The following TNNI3K variants were observed in gnomAD, a reference collection of about 807,000 sequenced individuals.
TNNI3K encodes TNNI3 interacting kinase.
In TNNI3K, 140 loss-of-function variants were observed where a neutral mutation model predicts 114.5. That is an observed-to-expected ratio of 1.22 (90% CI 1.07 to 1.41). The LOEUF is 1.41. Ranked by LOEUF, TNNI3K falls within the 40% of genes most tolerant of loss-of-function variation. The probability of loss-of-function intolerance (pLI) is 0.00; values close to 1 mark genes in which losing one functional copy is unlikely to be tolerated. For synonymous variants in TNNI3K, 347 were observed against 347.5 expected (o/e 1.00, Z 0.02); for missense variants, 1,125 against 1,007.6 (o/e 1.12, Z -1.58).
At chr1:74,388,431 G>A (rs1570558954) in intron 17 of TNNI3K, among the ~76,000 whole-genome samples, 2 of 152,312 alleles carry the variant, frequency 1.3e-5, no homozygotes, top group Admixed American at 1.3e-4. Flanking sequence ...TGCAGATGCA[G>A]TGACAATTCA....
intron 2 of TNNI3K, among the ~76,000 whole-genome samples, chr1:74,243,640 A>G (rs1194591553): frequency 6.6e-6 from 1 of 152,204 alleles, no homozygotes; most frequent in African/African-American, 2.4e-5. Flanking sequence ...ATGAAAAAGA[A>G]GTTTAATTGG....
chr1:74,357,213 T>C (rs888708885), intron 11 of TNNI3K, among the ~76,000 whole-genome samples: 7 of 152,086 alleles, frequency 4.6e-5, no homozygotes, highest in Admixed American at 2.0e-4. Flanking sequence ...GGACTAAAAC[T>C]CTACTTGATG....
intron 5 of TNNI3K, among the ~76,000 whole-genome samples, chr1:74,323,864 A>G (rs2100390678): frequency 6.6e-6 from 1 of 152,334 alleles, no homozygotes; most frequent in African/African-American, 2.4e-5. Context: ...AATGTCAGTG[A>G]GGAAAAGCAA....
chr1:74,356,212 C>T (rs530608289), intron 11 of TNNI3K, among the ~76,000 whole-genome samples: 54 of 152,228 alleles, frequency 3.5e-4, no homozygotes, highest in Non-Finnish European at 5.4e-4. Flanking sequence ...GTAGATTGTT[C>T]ATTCTTATCA....
intron 21 of TNNI3K, among the ~76,000 whole-genome samples, chr1:74,483,074 T>C (rs1211688262): frequency 6.6e-6 from 1 of 152,202 alleles, no homozygotes; most frequent in Non-Finnish European, 1.5e-5. Context: ...CTTTAAATAG[T>C]TTTGATTGAG....
At chr1:74,382,476 G>T (rs1481822611) in intron 17 of TNNI3K, among the ~76,000 whole-genome samples, 1 of 152,162 alleles carries the variant, frequency 6.6e-6, no homozygotes, top group Non-Finnish European at 1.5e-5. Context: ...TCCAGCTGCT[G>T]CATCAGTACT....
At chr1:74,487,950 A>T (rs1054569519) in intron 21 of TNNI3K, among the ~76,000 whole-genome samples, 1 of 152,134 alleles carries the variant, frequency 6.6e-6, no homozygotes, top group Non-Finnish European at 1.5e-5. Flanking sequence ...GGCATTGGTC[A>T]TGACAGGGTC....
chr1:74,407,698 G>A lies in TNNI3K; in HGVS notation c.1773-28382G>A, dbSNP rs1421528260. ...TCTTATACTTGACTTTAAGTGAAGA[G>A]GAGATACCTGGTCTCTAAACTACAT... is the stretch of plus-strand genomic sequence containing the variant. On this transcript the variant is annotated intron_variant, in intron 17 of 24. Coordinates refer to ENST00000326637, the MANE Select transcript of TNNI3K (RefSeq NM_015978.3). Among the ~76,000 whole-genome samples the A allele has an allele frequency of 2.6e-5, 4 of 152,074 alleles. No individual in the cohort carries two copies. In the East Asian group the frequency reaches 7.7e-4, roughly 29 times the overall value.
chr1:74,418,799 T>C (rs2100630031), intron 17 of TNNI3K, among the ~76,000 whole-genome samples: 1 of 152,146 alleles, frequency 6.6e-6, no homozygotes, highest in African/African-American at 2.4e-5. Context: ...TAAGTCAGTT[T>C]CTTTCTTAGA....
At chr1:74,449,740 C>T (rs979918337) in intron 20 of TNNI3K, among the ~76,000 whole-genome samples, 2 of 151,348 alleles carry the variant, frequency 1.3e-5, no homozygotes, top group African/African-American at 2.4e-5. Flanking sequence ...TACAGGAGCA[C>T]CCAAATTCAT....
chr1:74,433,373 C>T (rs562248548), intron 17 of TNNI3K, among the ~76,000 whole-genome samples: 2 of 152,138 alleles, frequency 1.3e-5, no homozygotes, highest in East Asian at 3.9e-4. Context: ...ACCCTGCCTG[C>T]CCCCCTTCAT....
chr1:74,312,027 A>C (rs1659022719), intron 5 of TNNI3K, among the ~76,000 whole-genome samples: 1 of 152,300 alleles, frequency 6.6e-6, no homozygotes, highest in South Asian at 2.1e-4. Context: ...AGATTCTATG[A>C]GTTCTCTGCT....
chr1:74,247,302 G>A lies in TNNI3K; in HGVS notation c.150-2157G>A, dbSNP rs140686607. Reference sequence around the variant, plus strand: ...CTGGAGTTGTTTGTTCCTCCCGTCCGGAGTTGTTCATTCCTCCCAGTGGGT... The same window carrying A: ...CTGGAGTTGTTTGTTCCTCCCGTCCAGAGTTGTTCATTCCTCCCAGTGGGT... On this transcript the variant is annotated intron_variant, in intron 2 of 24. Transcript: ENST00000326637. Among the ~76,000 whole-genome samples the A allele has an allele frequency of 8.2e-3, 1,253 of 152,224 alleles. 6 individuals carry two copies. The highest frequency in any genetic ancestry group is 0.013 in the Non-Finnish European group (898 of 68,016).
chr1:74,302,791 T>A (rs1193819828), intron 5 of TNNI3K, among the ~76,000 whole-genome samples: 1 of 152,164 alleles, frequency 6.6e-6, no homozygotes, highest in Non-Finnish European at 1.5e-5. Context: ...AGAAGCTATT[T>A]CCATAACAAA....
intron 23 of TNNI3K, among the ~76,000 whole-genome samples, chr1:74,517,872 G>A (rs1330085180): frequency 6.6e-6 from 1 of 152,174 alleles, no homozygotes; most frequent in African/African-American, 2.4e-5. Context: ...CAGGTCTGAT[G>A]TAGAGTGAAA....
At chr1:74,450,809 T>A (rs1274425528) in intron 20 of TNNI3K, among the ~76,000 whole-genome samples, 1 of 152,124 alleles carries the variant, frequency 6.6e-6, no homozygotes, top group Non-Finnish European at 1.5e-5. Flanking sequence ...GGTATGTAAA[T>A]TGGTTCAACC....
intron 21 of TNNI3K, among the ~76,000 whole-genome samples, chr1:74,485,893 T>C (rs1031060664): frequency 2.0e-5 from 3 of 152,050 alleles, no homozygotes; most frequent in African/African-American, 4.8e-5. Flanking sequence ...CAACAACCAA[T>C]GCGCTTAAAA....
chr1:74,250,673 C>G lies in TNNI3K; in HGVS notation c.237C>G (p.Gly79=), dbSNP rs753593569. 6.2e-7 allele frequency: 1 copy of G among 1,608,298 alleles called. No homozygotes were observed. Among genetic ancestry groups the G allele is most frequent in the Admixed American group, 1.7e-5 (1 of 58,392 alleles). ...CCTTTTTTCATTTTTCTCTTTAAGG[C>G]AAGAAATCACATATTCGAACTCTTA... is the stretch of plus-strand genomic sequence containing the variant. ...SLLHLCCICG[G]KKSHIRTLML... The change falls in exon 4 of 25, where the codon GGC becomes GGG. Residue 79 remains glycine, a splice_region_variant and synonymous_variant. Transcript: ENST00000326637.
At position 74,237,081 on chromosome 1, in the gene TNNI3K, A is replaced by G. The variant is rs140923844; in HGVS notation, c.149+871A>G. On this transcript the variant is annotated intron_variant, in intron 2 of 24. Transcript: ENST00000326637. ...AATTTTAGATATAGTAAACATATAAATATCACATAATTGGCAAATAAAATC... is the reference window on the plus strand; with the variant it reads ...AATTTTAGATATAGTAAACATATAAGTATCACATAATTGGCAAATAAAATC... Among the ~76,000 whole-genome samples the G allele has an allele frequency of 1.3e-3, 197 of 152,128 alleles. 3 individuals are homozygous for G. In the East Asian group the frequency reaches 0.034, roughly 26 times the overall value.
Sources: gnomAD v4.1 joint callset for allele counts (sites outside exome capture counted in the v4.1 genomes callset) on GRCh38, gnomAD v4.1.1 for gene constraint, MANE v1.5 for transcripts, NCBI Gene and HGNC (gene_info 2026-07-23, HGNC 2026-07-21) for gene names.